B9D1: variants seen among roughly 807,000 people sequenced by gnomAD.
B9D1 encodes B9 domain-containing protein 1.
In B9D1, 20 loss-of-function variants were observed where a neutral mutation model predicts 26.1. The observed-to-expected ratio is 0.77, with a 90% CI of 0.54 to 1.12. The LOEUF is 1.12. B9D1 is among the 50% of genes most tolerant of loss of function. B9D1 has a pLI of 0.00. For missense variants in B9D1, 260 were observed against 273.7 expected (o/e 0.95, Z 0.35); for synonymous variants, 105 against 103.1 (o/e 1.02, Z -0.11).
downstream of B9D1, among the ~76,000 whole-genome samples, chr17:19,340,409 G>A (rs937699936): frequency 4.6e-5 from 7 of 150,670 alleles, no homozygotes; most frequent in African/African-American, 1.7e-4. Flanking sequence ...CTGACCTCAG[G>A]TGATCCGCCT....
intron 2 of B9D1, 71 bp downstream of exon 2, chr17:19,360,249 G>A (rs1258361480): frequency 2.1e-6 from 3 of 1,396,414 alleles, no homozygotes; most frequent in African/African-American, 2.8e-5. Flanking sequence ...ATGGGGAGGG[G>A]AAGGATATGA....
rs1208198577 is a variant in B9D1 at position 19,372,611 on chromosome 17, C to A, written c.-298+5248G>T. 6.6e-6 allele frequency among the ~76,000 whole-genome samples: 1 copy of A among 152,204 alleles called. No homozygotes were observed. Among genetic ancestry groups the A allele is most frequent in the Non-Finnish European group, 1.5e-5 (1 of 68,034 alleles). On this transcript the variant is annotated intron_variant, in intron 1 of 5. Coordinates refer to the B9D1 transcript ENST00000477478. The surrounding 1 kb of genome is among the most constrained non-coding windows in gnomAD (Gnocchi z 4.4). ...ATTCTTAGCTCCCCAGGGCCGGCCC[C>A]CCATCTCGGTGCCTGTCACAGATTT...
chr17:19,335,338 G>GA (rs1324689518), downstream of B9D1: 2 of 1,489,046 alleles, frequency 1.3e-6, no homozygotes, highest in Non-Finnish European at 1.8e-6. Flanking sequence ...GAAAGTTAAA[G>GA]AAAAAAATCT....
At chr17:19,340,043 C>CG (rs1374952671), downstream of B9D1, among the ~76,000 whole-genome samples, 2 of 149,344 alleles carry the variant, frequency 1.3e-5, no homozygotes, top group South Asian at 2.4e-4. Flanking sequence ...ACCCCCCCCC[C>CG]CCCCCGGCTT....
rs150015643 is a variant in B9D1 at position 19,376,787 on chromosome 17, C to CAAATAAAATAAAATA, written c.-298+1057_-298+1071dup. Among the ~76,000 whole-genome samples the CAAATAAAATAAAATA allele has an allele frequency of 2.3e-3, 315 of 134,768 alleles. 2 individuals are homozygous for CAAATAAAATAAAATA. Among genetic ancestry groups the CAAATAAAATAAAATA allele is most frequent in the African/African-American group, 8.4e-3 (284 of 33,880 alleles). 88.4% of individuals were successfully genotyped at this position (134,768 alleles called of 152,430 possible). ...GGGCAACAGAGTGAGACTCACTCTT[C>CAAATAAAATAAAATA]AAATAAAATAAAATAAAATAAAATA... On this transcript the variant is annotated intron_variant, in intron 1 of 5. Coordinates refer to the B9D1 transcript ENST00000477478.
chr17:19,354,152 T>C (rs1910027147), intron 3 of B9D1, among the ~76,000 whole-genome samples: 1 of 152,234 alleles, frequency 6.6e-6, no homozygotes, highest in East Asian at 1.9e-4. Flanking sequence ...TATGGAGATT[T>C]TTCTCATTAT....
chr17:19,363,433 A>G (rs1328211271), upstream of B9D1, among the ~76,000 whole-genome samples: 1 of 152,210 alleles, frequency 6.6e-6, no homozygotes, highest in African/African-American at 2.4e-5. Context: ...CTTGGTAACT[A>G]CTAACTTGTT....
chr17:19,360,104 G>A (rs943051059), intron 2 of B9D1, among the ~76,000 whole-genome samples: 5 of 152,194 alleles, frequency 3.3e-5, no homozygotes, highest in Non-Finnish European at 5.9e-5. Context: ...AGCTCACAGG[G>A]TAGGGCTTCT....
chr17:19,357,815 C>T (rs368119721), intron 3 of B9D1, 25 bp downstream of exon 3: 5 of 1,575,272 alleles, frequency 3.2e-6, no homozygotes, highest in East Asian at 2.2e-5. Context: ...TGCCACCCTA[C>T]CCCACAGGGC....
At chr17:19,362,195 T>G (rs951897322) in intron 1 of B9D1, among the ~76,000 whole-genome samples, 4 of 152,212 alleles carry the variant, frequency 2.6e-5, no homozygotes, top group Admixed American at 6.5e-5. Context: ...CTCCTCGCGT[T>G]AACCCCAGGA....
At chr17:19,353,510 G>A (rs977928400) in intron 3 of B9D1, among the ~76,000 whole-genome samples, 4 of 151,914 alleles carry the variant, frequency 2.6e-5, no homozygotes, top group African/African-American at 9.7e-5. Context: ...CATAGTGGCA[G>A]GCGCCTGTAA....
intron 1 of B9D1, 22 bp downstream of exon 1, chr17:19,362,485 G>A (rs2152278704): frequency 1.9e-6 from 3 of 1,539,196 alleles, no homozygotes; most frequent in South Asian, 2.4e-5. Flanking sequence ...GGCGGGCCCC[G>A]GCGGGGTCCA....
At position 19,357,850 on chromosome 17, in the gene B9D1, G is replaced by T. The variant is rs2152273834; in HGVS notation, c.234C>A (p.Asn78Lys). ...CCCCTGCAGACTCACAGCCGTAGGG[G>T]TTGGTGCTTTTAAAGGTGACATCAA... Reference protein sequence around the residue: ...FPIDVTFKSTNPYGWPQIVLS... With the variant: ...FPIDVTFKSTKPYGWPQIVLS... The change falls in exon 3 of 7, where the codon AAC becomes AAA. Residue 78 changes from asparagine (N) to lysine (K), a missense_variant. Asn to Lys is a moderately conservative substitution (Grantham distance 94). Transcript: ENST00000261499. 26 of 1,613,724 alleles carry T rather than the reference G, an allele frequency of 1.6e-5. No individual in the cohort carries two copies. Among genetic ancestry groups the T allele is most frequent in the Non-Finnish European group, 2.2e-5 (26 of 1,179,804 alleles).
chr17:19,362,454 G>C, intron 1 of B9D1, 53 bp downstream of exon 1: 2 of 1,412,900 alleles, frequency 1.4e-6, no homozygotes, highest in Non-Finnish European at 1.9e-6. Context: ...GTTGCGGGAA[G>C]GGCCCCGGGG....
chr17:19,367,806 C>G (rs1911678732), intron 1 of B9D1, among the ~76,000 whole-genome samples: 2 of 152,240 alleles, frequency 1.3e-5, no homozygotes, highest in Admixed American at 6.5e-5. Context: ...TCTAGGGGCT[C>G]TCCCTGGGCT....
downstream of B9D1, among the ~76,000 whole-genome samples, chr17:19,338,145 A>G (rs12603815): frequency 0.049 from 7,433 of 152,356 alleles, 239 homozygotes; most frequent in East Asian, 0.11. Context: ...GGCAGGGGTC[A>G]GTACCCACAG....
chr17:19,344,564 G>C, intron 5 of B9D1: 1 of 239,644 alleles, frequency 4.2e-6, no homozygotes, highest in Non-Finnish European at 8.9e-6. Flanking sequence ...CGGCCGGGTG[G>C]GTCCAGCAGC....
At chr17:19,352,539 G>C (rs1193146046) in intron 3 of B9D1, among the ~76,000 whole-genome samples, 1 of 32,946 alleles carries the variant, frequency 3.0e-5, no homozygotes, top group Admixed American at 3.7e-4. Context: ...TTTTTTTTTT[G>C]AGACGGAGTT....
At chr17:19,355,628 G>T (rs907646236) in intron 3 of B9D1, among the ~76,000 whole-genome samples, 3 of 150,670 alleles carry the variant, frequency 2.0e-5, no homozygotes, top group Non-Finnish European at 4.4e-5. Flanking sequence ...AGGAGATCGA[G>T]ACCATCCTGG....
Sources: allele counts gnomAD v4.1 joint callset (sites outside exome capture counted in the v4.1 genomes callset), GRCh38; gene constraint gnomAD v4.1.1; non-coding constraint Gnocchi (gnomAD v3.1); transcripts MANE v1.5; gene names NCBI Gene and HGNC (gene_info 2026-07-23, HGNC 2026-07-21).